NCOA2: variants seen among roughly 807,000 people sequenced by gnomAD.
NCOA2 encodes the protein nuclear receptor coactivator 2.
Under a neutral mutation model 145.1 loss-of-function variants are expected in NCOA2, and 21 were observed. The ratio of observed to expected loss-of-function variants is 0.14; its 90% CI spans 0.10 to 0.21. The LOEUF (loss-of-function observed/expected upper bound fraction) is 0.21. Among genes scored for constraint, NCOA2 ranks in the 10% least tolerant of loss-of-function variants. NCOA2 has a pLI of 1.00. For synonymous variants in NCOA2, 619 were observed against 637.5 expected, an observed-to-expected ratio of 0.97 and a Z score of 0.44; for missense variants, 1,472 against 1,837.6, an observed-to-expected ratio of 0.80 and a Z score of 3.64.
chr8:70,358,465 G>A (rs1809933886), intron 1 of NCOA2, among the ~76,000 whole-genome samples: 1 of 152,090 alleles, frequency 6.6e-6, no homozygotes, highest in African/African-American at 2.4e-5. Flanking sequence ...ATTATCTATG[G>A]CAAACTAATT....
At chr8:70,226,787 TTAAC>T (rs1174457157) in intron 2 of NCOA2, among the ~76,000 whole-genome samples, 1 of 151,928 alleles carries the variant, frequency 6.6e-6, no homozygotes, top group Non-Finnish European at 1.5e-5. Context: ...CATATGTTCT[TTAAC>T]TATATGGACT....
At chr8:70,318,767 G>GA (rs1805817941) in intron 1 of NCOA2, among the ~76,000 whole-genome samples, 1 of 150,210 alleles carries the variant, frequency 6.7e-6, no homozygotes, top group Non-Finnish European at 1.5e-5. Flanking sequence ...TGTCTCAAAA[G>GA]AAAAAAAAAG....
intron 2 of NCOA2, among the ~76,000 whole-genome samples, chr8:70,251,906 T>A (rs1823213450): frequency 6.6e-6 from 1 of 152,192 alleles, no homozygotes; most frequent in Admixed American, 6.5e-5. Context: ...ATTCCCTATA[T>A]CCACAGGGTA....
intron 1 of NCOA2, among the ~76,000 whole-genome samples, chr8:70,305,222 G>T (rs764123975): frequency 6.6e-6 from 1 of 151,440 alleles, no homozygotes; most frequent in Non-Finnish European, 1.5e-5. Context: ...AAAGGGCAGC[G>T]GCAGTCTTTA....
the NCOA2 span, among the ~76,000 whole-genome samples, chr8:70,450,945 A>G: frequency 6.7e-6 from 1 of 150,362 alleles, no homozygotes; most frequent in Non-Finnish European, 1.5e-5. Context: ...GGCTGGGCAC[A>G]GTGGCTCATG....
chr8:70,290,500 TTATAGACA>T (rs1826588732), intron 2 of NCOA2, among the ~76,000 whole-genome samples: 1 of 152,088 alleles, frequency 6.6e-6, no homozygotes, highest in Admixed American at 6.6e-5. Flanking sequence ...TTTCCATTGA[TTATAGACA>T]TCCATGAATC....
chr8:70,432,856 G>C, the NCOA2 span, among the ~76,000 whole-genome samples: 1 of 151,852 alleles, frequency 6.6e-6, no homozygotes, highest in South Asian at 2.1e-4. Flanking sequence ...CTATGTTTTG[G>C]TTAAAGCCCC....
rs1812251506 is a variant in NCOA2 at position 70,156,045 on chromosome 8, C to T, written c.2320G>A (p.Asp774Asn). 1.2e-6 allele frequency: 2 copies of T among 1,611,366 alleles called. No homozygotes were observed. Among genetic ancestry groups the T allele is most frequent in the Middle Eastern group, 1.7e-4 (1 of 6,034 alleles). The change falls in exon 11 of 23, where the codon GAT (aspartate) becomes AAT (asparagine). Residue 774 changes from aspartate (D) to asparagine (N), a missense_variant. By Grantham distance (23) the Asp-to-Asn change is conservative (BLOSUM62 1). Transcript: ENST00000452400. ...ATTAATTTTGTGTTACTGGCAGGATCTGTCTTACTGTCCAGTCTCTCAAGT... is the reference window on the plus strand; with the variant it reads ...ATTAATTTTGTGTTACTGGCAGGATTTGTCTTACTGTCCAGTCTCTCAAGT... ...PKLERLDSKT[D>N]PASNTKLIAM...
At chr8:70,241,106 A>G (rs960541798) in intron 2 of NCOA2, among the ~76,000 whole-genome samples, 1 of 152,166 alleles carries the variant, frequency 6.6e-6, no homozygotes, top group Non-Finnish European at 1.5e-5. Context: ...AATCCCTGGT[A>G]TCTGTAAACA....
In NCOA2 at chr8:70,122,413, C is replaced by A. The variant is rs116863219; in HGVS notation, c.4294-1022G>T. Among the ~76,000 whole-genome samples the A allele has an allele frequency of 7.5e-3, 1,134 of 151,874 alleles. 19 individuals carry two copies. Among genetic ancestry groups the A allele is most frequent in the Non-Finnish European group, 9.2e-3 (622 of 67,958 alleles). ...TATAAGCACCTGCCACCATGCCTAG[C>A]TAATTTAAACTTTTTTTTTTTTTTT... On this transcript the variant is annotated intron_variant, in intron 21 of 22. Transcript: ENST00000452400.
the NCOA2 span, among the ~76,000 whole-genome samples, chr8:70,443,113 C>G: frequency 6.6e-6 from 1 of 152,086 alleles, no homozygotes; most frequent in African/African-American, 2.4e-5. Context: ...GCCTGTAATC[C>G]CAGCACTTTG....
At chr8:70,383,041 G>T (rs1003117139) in intron 1 of NCOA2, among the ~76,000 whole-genome samples, 4 of 152,214 alleles carry the variant, frequency 2.6e-5, no homozygotes, top group African/African-American at 9.6e-5. Context: ...ATGGTAGAAA[G>T]TCAATTTTCA....
At chr8:70,254,562 C>T (rs966780970) in intron 2 of NCOA2, among the ~76,000 whole-genome samples, 13 of 152,100 alleles carry the variant, frequency 8.5e-5, no homozygotes, top group Non-Finnish European at 1.5e-4. Flanking sequence ...ACAACATAAA[C>T]GAACCTTGAA....
the NCOA2 span, among the ~76,000 whole-genome samples, chr8:70,445,296 T>A: frequency 6.6e-6 from 1 of 152,156 alleles, no homozygotes; most frequent in Non-Finnish European, 1.5e-5. Context: ...ACCAATAGAG[T>A]AAATGCCACG....
rs144903195 is a variant in NCOA2, at chr8:70,148,001, G to A, written c.2605+272C>T. 5.3e-5 allele frequency among the ~76,000 whole-genome samples: 8 copies of A among 152,226 alleles called. No individual in the cohort carries two copies. In the East Asian group the frequency reaches 1.4e-3, roughly 26 times the overall value. ...CTGAAGGCAGTCACTGAAATGAAGG[G>A]AAATATGACAATCAGTTGAAGAACT... is the stretch of plus-strand genomic sequence containing the variant. On this transcript the variant is annotated intron_variant, in intron 12 of 22. Coordinates refer to ENST00000452400, the MANE Select transcript of NCOA2 (RefSeq NM_006540.4).
In NCOA2 at chr8:70,128,837, A is replaced by G. The variant is rs771738746; in HGVS notation, c.3468T>C (p.Phe1156=). ...GSYSPMQDPN[F]HTMGQRPSYA... is the part of the protein sequence containing the mutation. Reference sequence around the variant, plus strand: ...AACTAGGCCGCTGTCCCATGGTGTGAAAGTTTGGATCTTGCATGGGAGAAT... The same window carrying G: ...AACTAGGCCGCTGTCCCATGGTGTGGAAGTTTGGATCTTGCATGGGAGAAT... Residue 1156 remains phenylalanine (F), a synonymous_variant, in exon 17 of 23, where the codon TTT becomes TTC. Coordinates refer to ENST00000452400, the MANE Select transcript of NCOA2 (RefSeq NM_006540.4). The G allele has an allele frequency of 1.2e-6, 2 of 1,613,998 alleles. No homozygotes were observed. The highest frequency in any genetic ancestry group is 1.7e-5 in the Admixed American group (1 of 60,016).
chr8:70,366,547 A>G (rs920941700), intron 1 of NCOA2, among the ~76,000 whole-genome samples: 3 of 151,128 alleles, frequency 2.0e-5, no homozygotes, highest in African/African-American at 7.3e-5. Flanking sequence ...GTATATATTA[A>G]TGTTATTTTT....
At chr8:70,326,785 T>C (rs537690938) in intron 1 of NCOA2, among the ~76,000 whole-genome samples, 76 of 152,232 alleles carry the variant, frequency 5.0e-4, no homozygotes, top group African/African-American at 1.8e-3. Context: ...GAACAGAAAA[T>C]GTAATGAGAT....
At chr8:70,243,958 CTAAGA>C (rs2134527688) in intron 2 of NCOA2, among the ~76,000 whole-genome samples, 1 of 152,066 alleles carries the variant, frequency 6.6e-6, no homozygotes, top group Admixed American at 6.6e-5. Context: ...CTATACTGTG[CTAAGA>C]TATGGCTTGT....
Sources: gnomAD v4.1 joint callset for allele counts (sites outside exome capture counted in the v4.1 genomes callset) on GRCh38, gnomAD v4.1.1 for gene constraint, MANE v1.5 for transcripts, NCBI Gene and HGNC (gene_info 2026-07-23, HGNC 2026-07-21) for gene names.